Variants in DLEU7 observed in about 807,000 individuals in gnomAD.
DLEU7 encodes the protein leukemia-associated protein 7.
A neutral mutation model predicts 16.0 loss-of-function variants in DLEU7; 17 were observed. The ratio of observed to expected loss-of-function variants is 1.06; its 90% CI spans 0.73 to 1.59. The LOEUF (loss-of-function observed/expected upper bound fraction) is 1.59, where lower values mean the gene tolerates loss of function less well. Among genes scored for constraint, DLEU7 ranks in the 40% most tolerant of loss-of-function variants. The probability of loss-of-function intolerance (pLI) is 0.00; values close to 1 mark genes in which losing one functional copy is unlikely to be tolerated. For missense variants in DLEU7, 308 were observed against 314.9 expected, an observed-to-expected ratio of 0.98 and a Z score of 0.17; for synonymous variants, 113 against 139.8, an observed-to-expected ratio of 0.81 and a Z score of 1.35.
intron 1 of DLEU7, among the ~76,000 whole-genome samples, chr13:50,720,252 A>C (rs1342987677): frequency 6.6e-6 from 1 of 152,200 alleles, no homozygotes; most frequent in Non-Finnish European, 1.5e-5. Context: ...CTGAGAGTCA[A>C]GGGGCATAGA....
chr13:50,816,636 C>A (rs9526693), intron 1 of DLEU7, among the ~76,000 whole-genome samples: 74,674 of 151,814 alleles, frequency 0.49, 18,790 homozygotes, highest in Middle Eastern at 0.56. Context: ...ACTCAGAGGA[C>A]TGAATGAGGC....
At chr13:50,776,393 A>G (rs1283156499) in intron 1 of DLEU7, among the ~76,000 whole-genome samples, 1 of 152,244 alleles carries the variant, frequency 6.6e-6, no homozygotes, top group East Asian at 1.9e-4. Context: ...TCTTAGCTTC[A>G]GGATTCCTGC....
chr13:50,723,534 G>A (rs1191590422), intron 1 of DLEU7, among the ~76,000 whole-genome samples: 1 of 152,068 alleles, frequency 6.6e-6, no homozygotes, highest in Non-Finnish European at 1.5e-5. Context: ...TCTGGAGGTT[G>A]GAAGTCTGAG....
At chr13:50,770,104 T>C (rs1875249307) in intron 1 of DLEU7, among the ~76,000 whole-genome samples, 2 of 152,168 alleles carry the variant, frequency 1.3e-5, no homozygotes, top group South Asian at 2.1e-4. Flanking sequence ...ATGCTTGTGA[T>C]TTTTGCCCAT....
downstream of DLEU7, chr13:50,711,771 G>GC (rs146244622): frequency 0.36 from 48,627 of 133,676 alleles, 12,743 homozygotes; most frequent in East Asian, 0.64. Context: ...TGACCCAGTG[G>GC]CGGGGGCGGG....
chr13:50,766,258 C>G (rs764005859), intron 1 of DLEU7, among the ~76,000 whole-genome samples: 1 of 152,146 alleles, frequency 6.6e-6, no homozygotes, highest in South Asian at 2.1e-4. Context: ...ATTGCTCACT[C>G]CCATCACGTT....
intron 1 of DLEU7, among the ~76,000 whole-genome samples, chr13:50,766,638 C>T (rs997407327): frequency 2.0e-5 from 3 of 152,098 alleles, no homozygotes; most frequent in Admixed American, 6.5e-5. Context: ...GTGACAGGCT[C>T]AGGAGTCCCT....
chr13:50,735,525 TC>T (rs1874040649), intron 1 of DLEU7, among the ~76,000 whole-genome samples: 1 of 151,984 alleles, frequency 6.6e-6, no homozygotes, highest in African/African-American at 2.4e-5. Flanking sequence ...ATAGCAAATT[TC>T]TAAATATTAT....
chr13:50,718,817 T>C (rs1231087311), intron 1 of DLEU7, among the ~76,000 whole-genome samples: 1 of 152,224 alleles, frequency 6.6e-6, no homozygotes, highest in Non-Finnish European at 1.5e-5. Flanking sequence ...TTTCCATATA[T>C]GGTTTTGGTT....
chr13:50,769,461 T>C (rs1471025339), intron 1 of DLEU7, among the ~76,000 whole-genome samples: 1 of 152,232 alleles, frequency 6.6e-6, no homozygotes, highest in East Asian at 1.9e-4. Flanking sequence ...TGTTAATTAT[T>C]GTATAAGGTA....
chr13:50,724,981 A>AC (rs1008967461), intron 1 of DLEU7, among the ~76,000 whole-genome samples: 2 of 152,174 alleles, frequency 1.3e-5, no homozygotes, highest in African/African-American at 4.8e-5. Context: ...AGGCCTTCCT[A>AC]CCGCAGGTGT....
intron 1 of DLEU7, among the ~76,000 whole-genome samples, chr13:50,809,481 G>T (rs1236883975): frequency 6.6e-6 from 1 of 152,130 alleles, no homozygotes; most frequent in Non-Finnish European, 1.5e-5. Flanking sequence ...GTTAAATGAA[G>T]TAAAATAACC....
chr13:50,843,309 G>T lies in DLEU7; in HGVS notation c.338C>A (p.Ala113Asp), dbSNP rs751297634. The change falls in exon 1 of 2, where the codon GCC (alanine) becomes GAC (aspartate). Residue 113 changes from alanine (A) to aspartate (D), a missense_variant. By Grantham distance (126) the Ala-to-Asp change is moderately radical (BLOSUM62 -2). Coordinates refer to ENST00000504404, the MANE Select transcript of DLEU7 (RefSeq NM_001306135.2). This position sits in a 1 kb window ranked among gnomAD's most constrained non-coding sequence, Gnocchi z 5.7. ...CAGCGCGCTGCGCATCGCCATCTGGGCCAGGGTGCAGGGCCCGCGGTCCCG... is the reference window on the plus strand; with the variant it reads ...CAGCGCGCTGCGCATCGCCATCTGGTCCAGGGTGCAGGGCCCGCGGTCCCG... ...FPRDRGPCTL[A>D]QMAMRSALAR... 1 of 1,541,442 alleles carries T rather than the reference G, an allele frequency of 6.5e-7. No homozygotes were observed. Among genetic ancestry groups the T allele is most frequent in the Non-Finnish European group, 8.7e-7 (1 of 1,144,594 alleles).
At chr13:50,724,876 G>A (rs9562992) in intron 1 of DLEU7, among the ~76,000 whole-genome samples, 48 of 152,228 alleles carry the variant, frequency 3.2e-4, no homozygotes, top group East Asian at 1.7e-3. Flanking sequence ...CCATGCCAGC[G>A]ATTAAATGTT....
intron 1 of DLEU7, among the ~76,000 whole-genome samples, chr13:50,810,480 C>T (rs9535492): frequency 0.49 from 74,561 of 151,504 alleles, 18,752 homozygotes; most frequent in Non-Finnish European, 0.56. Context: ...AAGGGAAAGG[C>T]AAGAAAAGCA....
intron 1 of DLEU7, among the ~76,000 whole-genome samples, chr13:50,793,562 A>T (rs1416204428): frequency 2.0e-5 from 3 of 152,216 alleles, no homozygotes; most frequent in Non-Finnish European, 4.4e-5. Context: ...GGTATGAAAT[A>T]TCTCATTACA....
chr13:50,715,781 A>G (rs189635821), intron 1 of DLEU7, among the ~76,000 whole-genome samples: 47 of 152,358 alleles, frequency 3.1e-4, no homozygotes, highest in African/African-American at 1.1e-3. Context: ...GACAACGTCT[A>G]TGCCAGATAA....
chr13:50,732,230 G>A (rs1873930641), intron 1 of DLEU7, among the ~76,000 whole-genome samples: 1 of 152,134 alleles, frequency 6.6e-6, no homozygotes, highest in Non-Finnish European at 1.5e-5. Context: ...ATTTCTACAA[G>A]CTAGGACAGG....
intron 1 of DLEU7, among the ~76,000 whole-genome samples, chr13:50,782,520 C>T (rs2137766466): frequency 6.6e-6 from 1 of 152,278 alleles, no homozygotes; most frequent in Non-Finnish European, 1.5e-5. Context: ...CATTTGATCT[C>T]TGCAATTTTA....
Sources: gnomAD v4.1 joint callset for allele counts (sites outside exome capture counted in the v4.1 genomes callset) on GRCh38, gnomAD v4.1.1 for gene constraint, Gnocchi (gnomAD v3.1) non-coding constraint, MANE v1.5 for transcripts, NCBI Gene and HGNC (gene_info 2026-07-23, HGNC 2026-07-21) for gene names.